The following SDCCAG8 variants were observed in gnomAD, a reference collection of about 807,000 sequenced individuals.
SDCCAG8 encodes serologically defined colon cancer antigen 8.
In SDCCAG8, 74 loss-of-function variants were observed where a neutral mutation model predicts 101.8. The ratio of observed to expected loss-of-function variants is 0.73; its 90% CI spans 0.60 to 0.88. SDCCAG8 has a LOEUF of 0.88. SDCCAG8 is among the 40% of genes least tolerant of loss of function. The probability of loss-of-function intolerance (pLI) is 0.00; values close to 1 mark genes in which losing one functional copy is unlikely to be tolerated. For synonymous variants in SDCCAG8, 281 were observed against 292.9 expected, an observed-to-expected ratio of 0.96 and a Z score of 0.41; for missense variants, 787 against 822.6, an observed-to-expected ratio of 0.96 and a Z score of 0.53.
At chr1:243,342,155 G>A (rs1468197304) in intron 11 of SDCCAG8, among the ~76,000 whole-genome samples, 1 of 152,168 alleles carries the variant, frequency 6.6e-6, no homozygotes, top group Non-Finnish European at 1.5e-5. Context: ...GGGTGGAAGT[G>A]AAGGAATTAG....
At chr1:243,368,030 A>G (rs1028434482) in intron 12 of SDCCAG8, among the ~76,000 whole-genome samples, 20 of 151,894 alleles carry the variant, frequency 1.3e-4, no homozygotes, top group African/African-American at 4.1e-4. Flanking sequence ...CCTGGGCAAC[A>G]TGACAAAACC....
chr1:243,374,472 A>G (rs2077476974), intron 12 of SDCCAG8, among the ~76,000 whole-genome samples: 1 of 152,108 alleles, frequency 6.6e-6, no homozygotes, highest in Admixed American at 6.6e-5. Flanking sequence ...ATCATAGACC[A>G]AGTACTAAGA....
At chr1:243,262,113 T>G (rs1345335143) in intron 1 of SDCCAG8, among the ~76,000 whole-genome samples, 1 of 147,222 alleles carries the variant, frequency 6.8e-6, no homozygotes, top group Admixed American at 6.8e-5. Context: ...CCCGACTTTT[T>G]TTTTTTCTTT....
Position 243,312,178 on chromosome 1 carries a change from G to A in SDCCAG8, c.929+4001G>A, listed in dbSNP as rs143414247. On this transcript the variant is annotated intron_variant, in intron 8 of 17. Transcript: ENST00000366541. ...TTGAGTGCTATGCTAACTTTGAAGA[G>A]TGTCCAGCACCTTTTGGGTTTGGAT... 3.0e-3 allele frequency among the ~76,000 whole-genome samples: 461 copies of A among 152,314 alleles called. 4 individuals are homozygous for A. Among genetic ancestry groups the A allele is most frequent in the African/African-American group, 0.011 (450 of 41,560 alleles).
At chr1:243,350,870 G>A (rs959637823) in intron 12 of SDCCAG8, among the ~76,000 whole-genome samples, 6 of 152,172 alleles carry the variant, frequency 3.9e-5, no homozygotes, top group African/African-American at 1.4e-4. Context: ...GACCTCTGAG[G>A]TCCAGTCTTC....
At chr1:243,391,385 A>G (rs1444659600) in intron 13 of SDCCAG8, among the ~76,000 whole-genome samples, 1 of 152,226 alleles carries the variant, frequency 6.6e-6, no homozygotes, top group Non-Finnish European at 1.5e-5. Context: ...ACTCTGTTAG[A>G]GCCACCAAGC....
intron 12 of SDCCAG8, among the ~76,000 whole-genome samples, chr1:243,369,061 T>C (rs2077144628): frequency 6.6e-6 from 1 of 152,132 alleles, no homozygotes; most frequent in Non-Finnish European, 1.5e-5. Flanking sequence ...AAAAATCTCA[T>C]AAATTCCTCA....
chr1:243,428,940 A>C (rs886872513), intron 16 of SDCCAG8, among the ~76,000 whole-genome samples: 17 of 152,210 alleles, frequency 1.1e-4, no homozygotes, highest in African/African-American at 4.1e-4. Flanking sequence ...TCTCCAGTAA[A>C]TTGCTTATTG....
At chr1:243,494,019 G>T (rs1452236236) in intron 17 of SDCCAG8, among the ~76,000 whole-genome samples, 1 of 152,088 alleles carries the variant, frequency 6.6e-6, no homozygotes, top group Non-Finnish European at 1.5e-5. Flanking sequence ...ATTTACTGTG[G>T]TCCTTCCAGG....
intron 13 of SDCCAG8, among the ~76,000 whole-genome samples, chr1:243,394,128 C>G (rs1016046695): frequency 1.3e-5 from 2 of 152,098 alleles, no homozygotes; most frequent in African/African-American, 4.8e-5. Flanking sequence ...CCTACATCTG[C>G]TTTTGAACTT....
chr1:243,265,182 C>T (rs1307221049), intron 1 of SDCCAG8, among the ~76,000 whole-genome samples: 1 of 152,170 alleles, frequency 6.6e-6, no homozygotes, highest in African/African-American at 2.4e-5. Flanking sequence ...TATAATTATG[C>T]TGGTTTGTTA....
At chr1:243,293,265 T>A (rs2070452533) in intron 6 of SDCCAG8, 46 bp downstream of exon 6, 4 of 1,588,564 alleles carry the variant, frequency 2.5e-6, no homozygotes, top group Middle Eastern at 3.3e-4. Flanking sequence ...TTTTTCTTTT[T>A]CTCTTTTGTA....
intron 5 of SDCCAG8, among the ~76,000 whole-genome samples, chr1:243,290,467 T>A (rs2070137979): frequency 6.6e-6 from 1 of 152,274 alleles, no homozygotes; most frequent in Non-Finnish European, 1.5e-5. Flanking sequence ...CCTTCATTGA[T>A]CTCAAAAACA....
chr1:243,349,016 A>C (rs546973187), intron 12 of SDCCAG8, among the ~76,000 whole-genome samples: 14 of 152,090 alleles, frequency 9.2e-5, no homozygotes, highest in Non-Finnish European at 1.5e-4. Context: ...AAAACAAAAA[A>C]AAAAAAACAC....
chr1:243,456,934 T>C (rs2083804683), intron 16 of SDCCAG8, among the ~76,000 whole-genome samples: 1 of 152,234 alleles, frequency 6.6e-6, no homozygotes, highest in African/African-American at 2.4e-5. Flanking sequence ...AGGGTCTTTG[T>C]GCATTCATCT....
At chr1:243,407,194 T>C (rs1421418830) in intron 13 of SDCCAG8, among the ~76,000 whole-genome samples, 1 of 152,204 alleles carries the variant, frequency 6.6e-6, no homozygotes, top group African/African-American at 2.4e-5. Context: ...AATCCACTGT[T>C]TGATTAAACA....
At chr1:243,288,356 C>T (rs2149288484) in intron 5 of SDCCAG8, among the ~76,000 whole-genome samples, 1 of 152,076 alleles carries the variant, frequency 6.6e-6, no homozygotes, top group South Asian at 2.1e-4. Flanking sequence ...CACCTGTGGT[C>T]CCAACTACTT....
At chr1:243,452,956 G>C (rs887834498) in intron 16 of SDCCAG8, among the ~76,000 whole-genome samples, 1 of 152,202 alleles carries the variant, frequency 6.6e-6, no homozygotes, top group African/African-American at 2.4e-5. Context: ...TGAACTGTGA[G>C]TGCCACGAGG....
Position 243,386,791 on chromosome 1 carries a change from A to G in SDCCAG8, c.1616+7928A>G, listed in dbSNP as rs547993896. ...AGTGAGAGAGAGAGAGAGAGAGAGA[A>G]AGAAAGAAAGGAAAGAAGTGTTAGC... On this transcript the variant is annotated intron_variant, in intron 13 of 17. Coordinates refer to ENST00000366541, the MANE Select transcript of SDCCAG8 (RefSeq NM_006642.5). Among the ~76,000 whole-genome samples, 511 of 139,816 alleles carry G rather than the reference A, an allele frequency of 3.7e-3. 6 individuals carry two copies. Among genetic ancestry groups the G allele is most frequent in the South Asian group, 0.022 (99 of 4,472 alleles). 91.7% of individuals were successfully genotyped at this position (139,816 alleles called of 152,430 possible).
Sources: gnomAD v4.1 joint callset for allele counts (sites outside exome capture counted in the v4.1 genomes callset) on GRCh38, gnomAD v4.1.1 for gene constraint, MANE v1.5 for transcripts, NCBI Gene and HGNC (gene_info 2026-07-23, HGNC 2026-07-21) for gene names.